LANCL3: variants seen among roughly 807,000 people sequenced by gnomAD.
The protein encoded by LANCL3 is LanC like family member 3.
LANCL3 carries 19 observed loss-of-function variants against 26.5 expected under a neutral mutation model. The observed-to-expected ratio is 0.72, with a 90% confidence interval of 0.50 to 1.05. The LOEUF (loss-of-function observed/expected upper bound fraction) is 1.05. Among genes scored for constraint, LANCL3 ranks in the 50% least tolerant of loss-of-function variants. LANCL3 has a pLI of 0.00. For synonymous variants in LANCL3, 160 were observed against 166.6 expected, an observed-to-expected ratio of 0.96 and a Z score of 0.30; for missense variants, 318 against 362.7, an observed-to-expected ratio of 0.88 and a Z score of 1.00.
chrX:37,606,262 G>T (rs1334298283), intron 1 of LANCL3, among the ~76,000 whole-genome samples: 4 of 111,279 alleles, frequency 3.6e-5, no homozygotes, highest in Admixed American at 2.8e-4. Flanking sequence ...GGTAACATAG[G>T]CACCCCCTGC....
At chrX:37,601,865 T>G (rs1159364050) in intron 1 of LANCL3, among the ~76,000 whole-genome samples, 1 of 112,034 alleles carries the variant, frequency 8.9e-6, no homozygotes, top group Non-Finnish European at 1.9e-5. Context: ...TAAGGGAATC[T>G]GGAAAGCTTG....
At chrX:37,597,487 G>A (rs1006339955) in intron 1 of LANCL3, among the ~76,000 whole-genome samples, 3 of 110,378 alleles carry the variant, frequency 2.7e-5, no homozygotes, top group African/African-American at 9.9e-5. Flanking sequence ...GGCACGAAGG[G>A]TTCAGTTTCT....
At chrX:37,633,486 T>C (rs998095264) in intron 1 of LANCL3, among the ~76,000 whole-genome samples, 7 of 111,721 alleles carry the variant, frequency 6.3e-5, no homozygotes, top group Non-Finnish European at 1.3e-4. Context: ...CTGTGTTCCT[T>C]TGGAGGAGGA....
In LANCL3 at chrX:37,666,300, T is replaced by C. The variant is rs995068108; in HGVS notation, c.896-982T>C. 2.7e-5 allele frequency among the ~76,000 whole-genome samples: 3 copies of C among 112,180 alleles called. No homozygotes were observed. The South Asian group carries it at 1.1e-3, about 42-fold the overall frequency. On this transcript the variant is annotated intron_variant, in intron 3 of 4. Transcript: ENST00000378619. The stretch of plus-strand genomic sequence containing the variant: ...TTTGCTTAATAGATGCAAAACTGGC[T>C]TCTTCCACAGAGGCAGAGGGAAGTC...
chrX:37,662,532 C>T, intron 3 of LANCL3, among the ~76,000 whole-genome samples: 1 of 111,922 alleles, frequency 8.9e-6, no homozygotes. Flanking sequence ...CATGCCTCAG[C>T]GGAATTACAC....
chrX:37,647,556 G>T (rs1285991585), intron 1 of LANCL3, among the ~76,000 whole-genome samples: 1 of 111,712 alleles, frequency 9.0e-6, no homozygotes, highest in Non-Finnish European at 1.9e-5. Context: ...TAAATTGCTG[G>T]GTGAAAACAT....
intron 1 of LANCL3, among the ~76,000 whole-genome samples, chrX:37,595,903 A>G (rs1469364226): frequency 8.9e-6 from 1 of 112,075 alleles, no homozygotes; most frequent in African/African-American, 3.2e-5. Context: ...CCTGTAAAGA[A>G]GAATGGAGAG....
intron 1 of LANCL3, among the ~76,000 whole-genome samples, chrX:37,588,648 G>A (rs1924179002): frequency 8.9e-6 from 1 of 111,879 alleles, no homozygotes; most frequent in Admixed American, 9.5e-5. Flanking sequence ...GAATAAAGGA[G>A]TGTTTTGTGT....
chrX:37,610,541 A>C (rs782624260), intron 1 of LANCL3, among the ~76,000 whole-genome samples: 2 of 111,475 alleles, frequency 1.8e-5, no homozygotes, highest in South Asian at 3.8e-4. Flanking sequence ...AGTGTTTCTC[A>C]TCTTGCTCCT....
Position 37,584,854 on chromosome X carries a change from C to G in LANCL3, c.573+12411C>G, listed in dbSNP as rs781950729. On this transcript the variant is annotated intron_variant, in intron 1 of 4. Transcript: ENST00000378619. ...CTTCTGCTAGTTTTTGAGTGTGTTT[C>G]CTCTTGCTTCTCTAGTTCTTTTAAT... 8.9e-4 allele frequency among the ~76,000 whole-genome samples: 99 copies of G among 111,240 alleles called. 1 individual carries two copies. The South Asian group carries it at 0.036, about 40-fold the overall frequency.
At chrX:37,642,480 G>C (rs1556426018) in intron 1 of LANCL3, among the ~76,000 whole-genome samples, 1 of 111,774 alleles carries the variant, frequency 8.9e-6, no homozygotes, top group African/African-American at 3.3e-5. Context: ...CAGAATGTTG[G>C]CCTTTCATTC....
chrX:37,648,461 C>G (rs782527364), intron 1 of LANCL3, among the ~76,000 whole-genome samples: 39 of 111,814 alleles, frequency 3.5e-4, no homozygotes, highest in Non-Finnish European at 6.2e-4. Context: ...AAAATTAACT[C>G]AAGATGGATT....
At chrX:37,611,086 C>T (rs1262972925) in intron 1 of LANCL3, among the ~76,000 whole-genome samples, 1 of 111,562 alleles carries the variant, frequency 9.0e-6, no homozygotes, top group Non-Finnish European at 1.9e-5. Context: ...GAGTTGTCCC[C>T]TAGAAGGAAT....
chrX:37,588,128 G>A (rs1256836565), intron 1 of LANCL3, among the ~76,000 whole-genome samples: 1 of 112,231 alleles, frequency 8.9e-6, no homozygotes, highest in Non-Finnish European at 1.9e-5. Flanking sequence ...CTTTGAATGT[G>A]AAAATGATAG....
At position 37,677,212 on chromosome X, in the gene LANCL3, AT is replaced by A. The variant is rs1294314778; in HGVS notation, c.*1401del. On this transcript the variant is annotated 3_prime_UTR_variant, in exon 5 of 5. Transcript: ENST00000378619. Reference sequence around the variant, plus strand: ...TATTCCCATGTAAATCCAAATACTTATTCTTTATTTCAGTAATTCTTAACTT... The same window carrying A: ...TATTCCCATGTAAATCCAAATACTTATCTTTATTTCAGTAATTCTTAACTT... The A allele has an allele frequency of 9.2e-6, 1 of 108,275 alleles. No individual in the cohort carries two copies. Among genetic ancestry groups the A allele is most frequent in the Non-Finnish European group, 1.9e-5 (1 of 52,419 alleles). The allele number at this position is 108,275 out of a possible 1,213,427, so 8.9% of individuals were successfully genotyped here.
At position 37,677,063 on chromosome X, in the gene LANCL3, C is replaced by T. The variant is rs1355488509; in HGVS notation, c.*1250C>T. On this transcript the variant is annotated 3_prime_UTR_variant, in exon 5 of 5. Transcript: ENST00000378619. ...CCTAGAATTTTGTCAGTGGCAATTG[C>T]ATATATCAGATTGAGTAGGAAATTG... is the stretch of plus-strand genomic sequence containing the variant. 9.1e-6 allele frequency: 1 copy of T among 110,327 alleles called. No individual in the cohort carries two copies. The highest frequency in any genetic ancestry group is 3.3e-5 in the African/African-American group (1 of 30,077). 9.1% of individuals were successfully genotyped at this position (110,327 alleles called of 1,213,427 possible). A position where few individuals can be genotyped will look rare whatever the true frequency, so the allele number is the denominator to read the frequency against.
rs2146790666 is a variant in LANCL3 at position 37,667,373 on chromosome X, G to C, written c.987G>C (p.Gln329His). The C allele has an allele frequency of 1.7e-6, 2 of 1,199,027 alleles. No homozygotes were observed. The highest frequency in any genetic ancestry group is 3.6e-5 in the South Asian group (2 of 54,819). ...TTCGGTGTGGGGAACTCACATGGCA[G>C]AAAGGCCTGCTAAAGAAGGGGCCTG... ...TCIRCGELTW[Q>H]KGLLKKGPGI... The change falls in exon 4 of 5, where the codon CAG becomes CAC. Residue 329 changes from glutamine to histidine, a missense_variant. Gln to His is a conservative substitution (Grantham distance 24, BLOSUM62 0). Transcript: ENST00000378619.
intron 1 of LANCL3, among the ~76,000 whole-genome samples, chrX:37,605,867 A>G (rs1924698376): frequency 9.0e-6 from 1 of 111,555 alleles, no homozygotes; most frequent in African/African-American, 3.3e-5. Flanking sequence ...TTTTCTGAAC[A>G]CTGATCACCT....
chrX:37,599,960 G>C (rs1556419854), intron 1 of LANCL3, among the ~76,000 whole-genome samples: 1 of 110,403 alleles, frequency 9.1e-6, no homozygotes. Context: ...TGAGATATTT[G>C]TATTGGCTCA....
Sources: allele counts gnomAD v4.1 joint callset (sites outside exome capture counted in the v4.1 genomes callset), GRCh38; gene constraint gnomAD v4.1.1; transcripts MANE v1.5; gene names NCBI Gene and HGNC (gene_info 2026-07-23, HGNC 2026-07-21).